The following KCNMB2 variants were observed in gnomAD, a reference collection of about 807,000 sequenced individuals.
KCNMB2 encodes potassium calcium-activated channel subfamily M regulatory beta subunit 2.
KCNMB2 carries 9 observed loss-of-function variants against 24.5 expected under a neutral mutation model. The observed-to-expected ratio is 0.37, with a 90% CI of 0.22 to 0.64. KCNMB2 has a LOEUF of 0.64. KCNMB2 is among the 30% of genes least tolerant of loss of function. The pLI, the probability that KCNMB2 is intolerant of heterozygous loss-of-function variation, is 0.63. For missense variants in KCNMB2, 226 were observed against 284.3 expected (o/e 0.79, Z 1.47); for synonymous variants, 109 against 104.4 (o/e 1.04, Z -0.27).
chr3:178,695,033 C>T (rs1478468160), intron 1 of KCNMB2, among the ~76,000 whole-genome samples: 1 of 152,252 alleles, frequency 6.6e-6, no homozygotes, highest in Non-Finnish European at 1.5e-5. Context: ...TCTGCCTGGG[C>T]ATCCAGGCAT....
intron 1 of KCNMB2, among the ~76,000 whole-genome samples, chr3:178,650,246 G>A (rs1720061808): frequency 6.6e-6 from 1 of 152,172 alleles, no homozygotes; most frequent in Non-Finnish European, 1.5e-5. Flanking sequence ...ATTTGCTGAG[G>A]AGTGTTTTGC....
chr3:178,840,068 G>C (rs766436595), intron 4 of KCNMB2, among the ~76,000 whole-genome samples: 1 of 152,114 alleles, frequency 6.6e-6, no homozygotes, highest in Non-Finnish European at 1.5e-5. Context: ...GATACAATGG[G>C]GGTACAGGCA....
At chr3:178,782,391 G>C (rs1168470083) in intron 1 of KCNMB2, among the ~76,000 whole-genome samples, 38 of 151,674 alleles carry the variant, frequency 2.5e-4, no homozygotes, top group African/African-American at 7.3e-4. Context: ...GGTTGAACTA[G>C]TGTACAGTCC....
intron 1 of KCNMB2, among the ~76,000 whole-genome samples, chr3:178,725,787 C>T (rs570734003): frequency 5.9e-5 from 9 of 151,942 alleles, no homozygotes; most frequent in South Asian, 2.1e-4. Flanking sequence ...GTTTTCATGA[C>T]GTATCATTTT....
intron 1 of KCNMB2, among the ~76,000 whole-genome samples, chr3:178,585,071 A>G (rs1717378070): frequency 6.6e-6 from 1 of 152,206 alleles, no homozygotes; most frequent in Non-Finnish European, 1.5e-5. Flanking sequence ...CAGAAAAGTC[A>G]TCTGATTAAG....
In KCNMB2 at chr3:178,589,924, C is replaced by A. The variant is rs537894638; in HGVS notation, c.-68+53213C>A. ...AGATCTCAAAACTCTCTTTTGCAAT[C>A]CCCTAAAGAAAGTCGTAACATTTTA... is the stretch of plus-strand genomic sequence containing the variant. On this transcript the variant is annotated intron_variant, in intron 1 of 4. Coordinates refer to ENST00000452583, the MANE Select transcript of KCNMB2 (RefSeq NM_181361.3). 5.9e-5 allele frequency among the ~76,000 whole-genome samples: 9 copies of A among 152,284 alleles called. No homozygotes were observed. The South Asian group carries it at 1.9e-3, about 32-fold the overall frequency.
intron 1 of KCNMB2, chr3:178,795,159 G>T (rs1357419978): frequency 2.6e-5 from 4 of 152,024 alleles, no homozygotes; most frequent in Non-Finnish European, 5.9e-5. Context: ...CCAGAGAAAT[G>T]TACTGAAAAA....
chr3:178,633,291 C>CA (rs1359698901), intron 1 of KCNMB2, among the ~76,000 whole-genome samples: 1 of 152,220 alleles, frequency 6.6e-6, no homozygotes, highest in African/African-American at 2.4e-5. Context: ...ATTCAACCCA[C>CA]ATTTCCCTTC....
chr3:178,768,065 T>A (rs1274711898), intron 1 of KCNMB2, among the ~76,000 whole-genome samples: 1 of 152,226 alleles, frequency 6.6e-6, no homozygotes, highest in African/African-American at 2.4e-5. Context: ...CTACCTACTA[T>A]GTGCAGACAG....
chr3:178,680,131 C>T (rs892047245), intron 1 of KCNMB2, among the ~76,000 whole-genome samples: 5 of 152,154 alleles, frequency 3.3e-5, no homozygotes, highest in East Asian at 1.9e-4. Flanking sequence ...ATTGTTTCTG[C>T]TCCCCACTTT....
intron 1 of KCNMB2, among the ~76,000 whole-genome samples, chr3:178,615,648 C>A (rs12490997): frequency 0.23 from 35,181 of 152,050 alleles, 4,429 homozygotes; most frequent in Middle Eastern, 0.38. Flanking sequence ...TGCTGCCTGG[C>A]CTGGGACTCA....
intron 1 of KCNMB2, among the ~76,000 whole-genome samples, chr3:178,760,638 C>T (rs575614952): frequency 8.5e-4 from 128 of 149,996 alleles, no homozygotes; most frequent in Non-Finnish European, 1.4e-3. Context: ...TTTTCTTTTA[C>T]AAGAAGGAAA....
intron 1 of KCNMB2, among the ~76,000 whole-genome samples, chr3:178,741,409 CT>C (rs761117760): frequency 1.3e-5 from 2 of 152,152 alleles, no homozygotes; most frequent in African/African-American, 2.4e-5. Flanking sequence ...GAAAATATCT[CT>C]TGTTTTTCTT....
In KCNMB2 at chr3:178,843,093, A is replaced by C; in HGVS notation, c.*156A>C. On this transcript the variant is annotated 3_prime_UTR_variant, in exon 5 of 5. Transcript: ENST00000452583. The stretch of plus-strand genomic sequence containing the variant: ...ATAATGCAAAAGCTGTTCTATATGC[A>C]AACATGATGTCTTTATTATTCAGGA... 1.5e-6 allele frequency: 1 copy of C among 682,394 alleles called. No homozygotes were observed. The highest frequency in any genetic ancestry group is 2.6e-6 in the Non-Finnish European group (1 of 381,210). The allele number at this position is 682,394 out of a possible 1,614,324, so 42.3% of individuals were successfully genotyped here. A position where few individuals can be genotyped will look rare whatever the true frequency, so the allele number is the denominator to read the frequency against.
intron 1 of KCNMB2, among the ~76,000 whole-genome samples, chr3:178,740,078 AT>A (rs999389814): frequency 2.3e-4 from 34 of 149,010 alleles, no homozygotes; most frequent in East Asian, 2.2e-3. Context: ...TCAGCAAGTG[AT>A]TTTTTTTTTC....
At chr3:178,569,890 C>G (rs1460525751) in intron 1 of KCNMB2, among the ~76,000 whole-genome samples, 1 of 152,070 alleles carries the variant, frequency 6.6e-6, no homozygotes, top group Non-Finnish European at 1.5e-5. Flanking sequence ...TTATTGCATG[C>G]CTTTTTTTCC....
chr3:178,564,084 C>T (rs1488373121), intron 1 of KCNMB2, among the ~76,000 whole-genome samples: 1 of 151,940 alleles, frequency 6.6e-6, no homozygotes, highest in African/African-American at 2.4e-5. Flanking sequence ...TCGAGACCAG[C>T]TTGACCAACA....
intron 1 of KCNMB2, among the ~76,000 whole-genome samples, chr3:178,718,069 C>A (rs1722677659): frequency 6.6e-6 from 1 of 152,152 alleles, no homozygotes; most frequent in African/African-American, 2.4e-5. Flanking sequence ...TACTTTCATG[C>A]ATTTCCCTCT....
chr3:178,552,062 C>A (rs965291390), intron 1 of KCNMB2, among the ~76,000 whole-genome samples: 1 of 152,194 alleles, frequency 6.6e-6, no homozygotes, highest in East Asian at 1.9e-4. Context: ...CACACACAAA[C>A]GTCTGGGGCA....
Sources: allele counts gnomAD v4.1 joint callset (sites outside exome capture counted in the v4.1 genomes callset), GRCh38; gene constraint gnomAD v4.1.1; transcripts MANE v1.5; gene names NCBI Gene and HGNC (gene_info 2026-07-23, HGNC 2026-07-21).